Variants in LIPI observed in about 807,000 individuals in gnomAD.
LIPI encodes the protein lipase member I.
Under a neutral mutation model 50.6 loss-of-function variants are expected in LIPI, and 59 were observed. The ratio of observed to expected loss-of-function variants is 1.16; its 90% CI spans 0.94 to 1.45. LIPI has a LOEUF of 1.45. LIPI is among the 40% of genes most tolerant of loss of function. LIPI has a pLI of 0.00. For synonymous variants in LIPI, 203 were observed against 178.2 expected (o/e 1.14, Z -1.11); for missense variants, 586 against 536.3 (o/e 1.09, Z -0.92).
intron 1 of LIPI, among the ~76,000 whole-genome samples, chr21:14,193,806 T>C (rs950636650): frequency 6.6e-6 from 1 of 151,992 alleles, no homozygotes; most frequent in African/African-American, 2.4e-5. Context: ...AAAGTAAAAC[T>C]TTTATGCATC....
chr21:14,117,837 T>A (rs1273494035), intron 9 of LIPI, among the ~76,000 whole-genome samples: 1 of 151,782 alleles, frequency 6.6e-6, no homozygotes, highest in Non-Finnish European at 1.5e-5. Context: ...TAAATTGAGA[T>A]GAAAAAGCAA....
intron 3 of LIPI, 36 bp from the exon 4 acceptor site, chr21:14,181,895 G>C (rs200367893): frequency 6.6e-4 from 756 of 1,147,044 alleles, no homozygotes; most frequent in Non-Finnish European, 8.7e-4. Flanking sequence ...GTCTCATCAA[G>C]TCCACAGAGC....
chr21:14,115,660 G>T (rs11701744), intron 9 of LIPI, among the ~76,000 whole-genome samples: 55,236 of 151,962 alleles, frequency 0.36, 10,190 homozygotes, highest in East Asian at 0.48. Context: ...GAAGGAGAAC[G>T]GTTTTCCCGT....
rs1435672878 is a variant in LIPI at position 14,208,587 on chromosome 21, T to A, written c.46+2213A>T. On this transcript the variant is annotated intron_variant, in intron 1 of 9. Transcript: ENST00000681601. ...TTGGTGACATGAAAGTTACAACAAA[T>A]TCAAATGTGAGTGTCCATAAATAAA... 2.6e-5 allele frequency among the ~76,000 whole-genome samples: 4 copies of A among 151,800 alleles called. No homozygotes were observed. The East Asian group carries it at 7.7e-4, about 29-fold the overall frequency.
chr21:14,199,794 C>A (rs1051702051), intron 1 of LIPI, among the ~76,000 whole-genome samples: 1 of 151,658 alleles, frequency 6.6e-6, no homozygotes, highest in Non-Finnish European at 1.5e-5. Context: ...AGAGATTTAA[C>A]AACACCACAA....
chr21:14,129,100 T>G (rs1398199445), intron 9 of LIPI, among the ~76,000 whole-genome samples: 1 of 152,088 alleles, frequency 6.6e-6, no homozygotes, highest in Non-Finnish European at 1.5e-5. Flanking sequence ...AATAGACAAG[T>G]ATGTTTTATA....
intron 7 of LIPI, among the ~76,000 whole-genome samples, 191 bp downstream of exon 7, chr21:14,163,228 G>GTC (rs1568859663): frequency 1.3e-5 from 2 of 151,676 alleles, no homozygotes; most frequent in African/African-American, 4.8e-5. Context: ...TTACCCAAGC[G>GTC]TCTCTCCATT....
rs145517473 is a variant in LIPI, at chr21:14,116,665, G to A, written c.1296-7585C>T. 7.3e-3 allele frequency among the ~76,000 whole-genome samples: 1,117 copies of A among 152,206 alleles called. 15 individuals carry two copies. Among genetic ancestry groups the A allele is most frequent in the African/African-American group, 0.025 (1,029 of 41,520 alleles). ...ATGGAAATAATTGGCCAAGTGTTTT[G>A]GGTGGTCACTGGGGTCAGACAACAG... On this transcript the variant is annotated intron_variant, in intron 9 of 9. Transcript: ENST00000681601.
At chr21:14,141,880 C>G (rs541642870) in intron 9 of LIPI, among the ~76,000 whole-genome samples, 45 of 152,266 alleles carry the variant, frequency 3.0e-4, no homozygotes, top group Middle Eastern at 3.4e-3. Flanking sequence ...GGAGGAAATT[C>G]TCTTGTATTT....
intron 4 of LIPI, among the ~76,000 whole-genome samples, chr21:14,170,145 C>T (rs2018840095): frequency 6.6e-6 from 1 of 152,058 alleles, no homozygotes; most frequent in South Asian, 2.1e-4. Context: ...ACACATACAC[C>T]CTCTGAAGAC....
chr21:14,118,338 A>T (rs1210528563), intron 9 of LIPI, among the ~76,000 whole-genome samples: 7 of 152,188 alleles, frequency 4.6e-5, no homozygotes, highest in Admixed American at 4.6e-4. Flanking sequence ...GACTCAAAAA[A>T]TTGGGCCGTT....
intron 4 of LIPI, among the ~76,000 whole-genome samples, chr21:14,168,687 G>T (rs1288627276): frequency 6.6e-6 from 1 of 152,238 alleles, no homozygotes; most frequent in South Asian, 2.1e-4. Flanking sequence ...TCACCACCAG[G>T]CCTGCCCTAA....
At position 14,175,805 on chromosome 21, in the gene LIPI, G is replaced by A. The variant is rs560931644; in HGVS notation, c.643+5953C>T. ...TAGCTGTGTCTTCTCTTTTTGTTCT[G>A]TTTTTTCTCTCCAAGAATTTATTTT... On this transcript the variant is annotated intron_variant, in intron 4 of 9. Transcript: ENST00000681601. Among the ~76,000 whole-genome samples, 6 of 152,014 alleles carry A rather than the reference G, an allele frequency of 3.9e-5. No homozygotes were observed. The South Asian group carries it at 1.0e-3, about 26-fold the overall frequency.
In LIPI at chr21:14,169,495, G is replaced by T. The variant is rs2018813967; in HGVS notation, c.644-3044C>A. ...TCTCCTCAGCAAATGTAAAAGAACA[G>T]AAATTATAACAAACTGTCTCTCAGA... On this transcript the variant is annotated intron_variant, in intron 4 of 9. Transcript: ENST00000681601. Among the ~76,000 whole-genome samples, 3 of 152,244 alleles carry T rather than the reference G, an allele frequency of 2.0e-5. No individual in the cohort carries two copies. The South Asian group carries it at 6.2e-4, about 32-fold the overall frequency.
At chr21:14,155,635 CTGA>C (rs976917841) in intron 7 of LIPI, among the ~76,000 whole-genome samples, 1 of 151,984 alleles carries the variant, frequency 6.6e-6, no homozygotes, top group African/African-American at 2.4e-5. Flanking sequence ...GATTTCACAT[CTGA>C]AAGTCATGGA....
At position 14,188,567 on chromosome 21, in the gene LIPI, C is replaced by CAA. The variant is rs577516831; in HGVS notation, c.432+465_432+466dup. Among the ~76,000 whole-genome samples the CAA allele has an allele frequency of 8.0e-3, 524 of 65,120 alleles. 9 individuals carry two copies. Among genetic ancestry groups the CAA allele is most frequent in the Middle Eastern group, 0.014 (1 of 74 alleles). The allele number at this position is 65,120 out of a possible 152,430, so 42.7% of individuals were successfully genotyped here. ...TGGGCAACAGAGTGAGAACCTGTCT[C>CAA]AAAAAAAAAAAAAAAAAAAAAAAGA... is the stretch of plus-strand genomic sequence containing the variant. On this transcript the variant is annotated intron_variant, in intron 2 of 9. Coordinates refer to ENST00000681601, the MANE Select transcript of LIPI (RefSeq NM_001302998.2).
chr21:14,192,479 A>T (rs981940636), intron 1 of LIPI, among the ~76,000 whole-genome samples: 9 of 152,192 alleles, frequency 5.9e-5, no homozygotes, highest in African/African-American at 2.2e-4. Flanking sequence ...AAACAAAGAA[A>T]CAAACAACAA....
chr21:14,181,685 C>A, intron 4 of LIPI, 73 bp downstream of exon 4: 1 of 814,786 alleles, frequency 1.2e-6, no homozygotes, highest in Non-Finnish European at 2.1e-6. Context: ...TCTTCTTATG[C>A]CCTCCTCTTG....
At chr21:14,190,208 C>T (rs2019624834) in intron 1 of LIPI, among the ~76,000 whole-genome samples, 4 of 152,004 alleles carry the variant, frequency 2.6e-5, no homozygotes, top group Admixed American at 2.6e-4. Context: ...AGAACTAGGG[C>T]AGAAAATAAA....
Sources: allele counts gnomAD v4.1 joint callset (sites outside exome capture counted in the v4.1 genomes callset), GRCh38; gene constraint gnomAD v4.1.1; transcripts MANE v1.5; gene names NCBI Gene and HGNC (gene_info 2026-07-23, HGNC 2026-07-21).